Variants in RGS6 observed in about 807,000 individuals in gnomAD.
RGS6 encodes the protein regulator of G protein signaling 6.
Under a neutral mutation model 78.5 loss-of-function variants are expected in RGS6, and 30 were observed. That is an observed-to-expected ratio of 0.38 (90% CI 0.29 to 0.52). The LOEUF (loss-of-function observed/expected upper bound fraction) is 0.52. Ranked by LOEUF, RGS6 falls within the 20% of genes least tolerant of loss-of-function variation. The pLI is 0.85. For missense variants in RGS6, 495 were observed against 609.7 expected (o/e 0.81, Z 1.98); for synonymous variants, 206 against 206.0 (o/e 1.00, Z 0.00).
chr14:72,273,258 A>C (rs2060212073), intron 2 of RGS6, among the ~76,000 whole-genome samples: 1 of 152,236 alleles, frequency 6.6e-6, no homozygotes, highest in African/African-American at 2.4e-5. Flanking sequence ...TATGGGTAAG[A>C]AACTTGAGCC....
intron 15 of RGS6, among the ~76,000 whole-genome samples, chr14:72,530,854 G>A (rs1433306206): frequency 6.6e-6 from 1 of 152,172 alleles, no homozygotes; most frequent in Non-Finnish European, 1.5e-5. Flanking sequence ...CAGAGAGCAG[G>A]AACTTGATGC....
the RGS6 span, among the ~76,000 whole-genome samples, chr14:71,904,407 G>A: frequency 6.5e-4 from 99 of 152,324 alleles, no homozygotes; most frequent in Middle Eastern, 0.01. Flanking sequence ...GAATAATCAG[G>A]AAAGGGGAGT....
At chr14:72,090,112 C>CAAAAAAAAAAAAAA (rs760072084) in intron 2 of RGS6, among the ~76,000 whole-genome samples, 1 of 44,432 alleles carries the variant, frequency 2.3e-5, no homozygotes, top group Non-Finnish European at 5.4e-5. Context: ...GACTCCATCT[C>CAAAAAAAAAAAAAA]AAAAAAAAAA....
the RGS6 span, among the ~76,000 whole-genome samples, chr14:72,593,807 T>C: frequency 6.6e-6 from 1 of 152,158 alleles, no homozygotes; most frequent in Non-Finnish European, 1.5e-5. Context: ...CAAAAAATTA[T>C]TGGGCCACCC....
At chr14:72,256,036 T>C (rs372329407) in intron 2 of RGS6, among the ~76,000 whole-genome samples, 150 of 152,338 alleles carry the variant, frequency 9.8e-4, no homozygotes, top group African/African-American at 3.6e-3. Flanking sequence ...CAGTGGTTCT[T>C]CTTGCCTGCT....
At chr14:72,500,031 G>A (rs755935984) in intron 13 of RGS6, among the ~76,000 whole-genome samples, 1 of 152,252 alleles carries the variant, frequency 6.6e-6, no homozygotes, top group African/African-American at 2.4e-5. Flanking sequence ...AGGCAAATGT[G>A]TGAACCTAAT....
chr14:72,384,160 A>G (rs1329488556), intron 3 of RGS6, among the ~76,000 whole-genome samples: 1 of 152,214 alleles, frequency 6.6e-6, no homozygotes, highest in Non-Finnish European at 1.5e-5. Flanking sequence ...TACTTTTAAA[A>G]AAATAAGTTA....
chr14:72,354,065 AC>A (rs2079698276), intron 3 of RGS6, among the ~76,000 whole-genome samples: 1 of 152,126 alleles, frequency 6.6e-6, no homozygotes, highest in Non-Finnish European at 1.5e-5. Flanking sequence ...CTGTATATTA[AC>A]CTAAAAAATA....
chr14:71,986,175 C>G (rs1168302256), intron 2 of RGS6, among the ~76,000 whole-genome samples: 1 of 152,140 alleles, frequency 6.6e-6, no homozygotes, highest in African/African-American at 2.4e-5. Flanking sequence ...ACTGCCCACT[C>G]ACCCCTTTCA....
chr14:72,484,142 A>C (rs2096441338), intron 12 of RGS6, among the ~76,000 whole-genome samples: 1 of 152,182 alleles, frequency 6.6e-6, no homozygotes, highest in Non-Finnish European at 1.5e-5. Context: ...GCGTGCCAGC[A>C]TGCTCTCCTC....
intron 2 of RGS6, among the ~76,000 whole-genome samples, chr14:72,345,249 A>G (rs759432429): frequency 4.6e-5 from 7 of 152,212 alleles, no homozygotes; most frequent in Non-Finnish European, 1.0e-4. Flanking sequence ...GTTGGTGTTC[A>G]TAGAATAGAG....
At chr14:72,532,152 C>T (rs1480512884) in intron 15 of RGS6, among the ~76,000 whole-genome samples, 1 of 152,202 alleles carries the variant, frequency 6.6e-6, no homozygotes, top group Non-Finnish European at 1.5e-5. Context: ...ACCATTTTTC[C>T]AATAGCATGT....
chr14:72,349,835 G>C (rs561472484), intron 2 of RGS6, among the ~76,000 whole-genome samples: 1 of 152,230 alleles, frequency 6.6e-6, no homozygotes, highest in African/African-American at 2.4e-5. Flanking sequence ...TGTCCACTCC[G>C]GGGTCTACCT....
intron 2 of RGS6, among the ~76,000 whole-genome samples, chr14:72,186,388 G>A (rs1437145902): frequency 6.6e-6 from 1 of 152,250 alleles, no homozygotes; most frequent in Non-Finnish European, 1.5e-5. Context: ...AATTGCCCTT[G>A]AGGGAGGTAA....
intron 2 of RGS6, among the ~76,000 whole-genome samples, chr14:72,146,030 C>T (rs115657243): frequency 0.011 from 1,664 of 152,180 alleles, 30 homozygotes; most frequent in African/African-American, 0.038. Context: ...GTTCCAGAGG[C>T]TAAGAAGTCC....
intron 2 of RGS6, among the ~76,000 whole-genome samples, chr14:72,324,576 A>G (rs963181129): frequency 2.7e-5 from 4 of 148,030 alleles, no homozygotes; most frequent in South Asian, 2.2e-4. Context: ...TCATTGTTCA[A>G]TTCCCACCTA....
chr14:72,310,436 A>G (rs75819029), intron 2 of RGS6, among the ~76,000 whole-genome samples: 2,517 of 152,266 alleles, frequency 0.017, 67 homozygotes, highest in African/African-American at 0.053. Flanking sequence ...TTGCTCCAAC[A>G]TGTCTGCTGC....
the RGS6 span, among the ~76,000 whole-genome samples, chr14:72,573,583 G>C: frequency 3.3e-5 from 5 of 152,152 alleles, no homozygotes; most frequent in Non-Finnish European, 7.4e-5. Context: ...TAGGATTCTG[G>C]GAAGGGGGTC....
At chr14:72,425,879 C>T (rs888923900) in intron 3 of RGS6, among the ~76,000 whole-genome samples, 1 of 152,114 alleles carries the variant, frequency 6.6e-6, no homozygotes, top group African/African-American at 2.4e-5. Flanking sequence ...TGGAAAACTA[C>T]TTCTTCAGCT....
Sources: gnomAD v4.1 joint callset for allele counts (sites outside exome capture counted in the v4.1 genomes callset) on GRCh38, gnomAD v4.1.1 for gene constraint, MANE v1.5 for transcripts, NCBI Gene and HGNC (gene_info 2026-07-23, HGNC 2026-07-21) for gene names.